The following SSBP3 variants were observed in gnomAD, a reference collection of about 807,000 sequenced individuals.
The protein encoded by SSBP3 is single stranded DNA binding protein 3.
A neutral mutation model predicts 69.6 loss-of-function variants in SSBP3; 5 were observed. The ratio of observed to expected loss-of-function variants is 0.07; its 90% CI spans 0.04 to 0.15. SSBP3 has a LOEUF of 0.15. SSBP3 is among the 10% of genes least tolerant of loss of function. The pLI is 1.00. For synonymous variants in SSBP3, 196 were observed against 193.4 expected (o/e 1.01, Z -0.11); for missense variants, 312 against 534.0 (o/e 0.58, Z 4.10).
chr1:54,345,015 A>G (rs1646665882), intron 4 of SSBP3, among the ~76,000 whole-genome samples: 1 of 152,152 alleles, frequency 6.6e-6, no homozygotes, highest in African/African-American at 2.4e-5. Flanking sequence ...TATTTATATT[A>G]CACTTGTTTC....
intron 14 of SSBP3, among the ~76,000 whole-genome samples, chr1:54,229,810 C>G (rs1334124731): frequency 6.6e-6 from 1 of 152,170 alleles, no homozygotes; most frequent in Non-Finnish European, 1.5e-5. Context: ...CTGGGTGCCA[C>G]AGACGCAGAG....
chr1:54,351,743 G>A (rs1646783612), intron 4 of SSBP3, among the ~76,000 whole-genome samples: 1 of 152,166 alleles, frequency 6.6e-6, no homozygotes, highest in Non-Finnish European at 1.5e-5. Context: ...GAGTGACCTC[G>A]CTGGGCCTTT....
intron 5 of SSBP3, among the ~76,000 whole-genome samples, chr1:54,260,098 T>C (rs1251182576): frequency 6.6e-6 from 1 of 152,206 alleles, no homozygotes; most frequent in African/African-American, 2.4e-5. Flanking sequence ...GGGGAGTTAA[T>C]GAAGGCGGGA....
chr1:54,411,992 C>A (rs538833116), intron 1 of SSBP3, among the ~76,000 whole-genome samples: 1 of 152,120 alleles, frequency 6.6e-6, no homozygotes, highest in South Asian at 2.1e-4. Flanking sequence ...ACCAGACTCA[C>A]CAGAGTGCCC....
At chr1:54,399,680 A>G (rs1393290881) in intron 4 of SSBP3, among the ~76,000 whole-genome samples, 1 of 99,444 alleles carries the variant, frequency 1.0e-5, no homozygotes, top group East Asian at 5.6e-4. Context: ...GTCAGCAAGA[A>G]GCTACTGCAA....
At chr1:54,260,727 C>T (rs977955136) in intron 5 of SSBP3, among the ~76,000 whole-genome samples, 13 of 150,658 alleles carry the variant, frequency 8.6e-5, no homozygotes, top group Non-Finnish European at 1.5e-4. Flanking sequence ...AGGCCCCAGC[C>T]CAGCCCCACA....
At chr1:54,392,387 G>A (rs1205864117) in intron 4 of SSBP3, among the ~76,000 whole-genome samples, 2 of 152,148 alleles carry the variant, frequency 1.3e-5, no homozygotes, top group Non-Finnish European at 2.9e-5. Context: ...CTGACTTTGC[G>A]TTGAGCCCCC....
chr1:54,279,725 G>A, intron 5 of SSBP3, among the ~76,000 whole-genome samples: 1 of 152,236 alleles, frequency 6.6e-6, no homozygotes, highest in South Asian at 2.1e-4. Flanking sequence ...ATGGGTGCAG[G>A]GCGCCATCTG....
At chr1:54,239,080 A>T in intron 14 of SSBP3, 49 bp downstream of exon 14, 1 of 1,488,390 alleles carries the variant, frequency 6.7e-7, no homozygotes, top group Non-Finnish European at 9.3e-7. Flanking sequence ...GAAGTTAATT[A>T]TGATTTGTTA....
intron 5 of SSBP3, among the ~76,000 whole-genome samples, chr1:54,268,520 A>AG (rs1278083923): frequency 6.6e-6 from 1 of 152,224 alleles, no homozygotes; most frequent in Non-Finnish European, 1.5e-5. Flanking sequence ...CCAACTAGGA[A>AG]GGGGGGCTGC....
At chr1:54,404,436 A>AGTGCCTCGAG in intron 3 of SSBP3, 140 bp downstream of exon 3, 1 of 933,264 alleles carries the variant, frequency 1.1e-6, no homozygotes, top group Non-Finnish European at 1.7e-6. Flanking sequence ...GCTGGGCCGG[A>AGTGCCTCGAG]GTGCCTCGAG....
chr1:54,407,748 GATTT>G (rs1269094173), upstream of SSBP3, among the ~76,000 whole-genome samples: 3 of 86,376 alleles, frequency 3.5e-5, no homozygotes, highest in African/African-American at 4.6e-5. Flanking sequence ...AGCCTAGGTT[GATTT>G]TTTTTTTTTT....
At chr1:54,233,841 G>A (rs1430233127) in intron 14 of SSBP3, among the ~76,000 whole-genome samples, 1 of 152,272 alleles carries the variant, frequency 6.6e-6, no homozygotes, top group East Asian at 1.9e-4. Flanking sequence ...CACCCCGTCT[G>A]GGAGGTGTGC....
chr1:54,404,224 G>A (rs761558718), intron 3 of SSBP3, among the ~76,000 whole-genome samples: 7 of 152,118 alleles, frequency 4.6e-5, no homozygotes, highest in Non-Finnish European at 8.8e-5. Flanking sequence ...TCCCCTCCAC[G>A]CCGCCCCACC....
chr1:54,376,531 T>TTTA (rs1379111774), intron 4 of SSBP3, among the ~76,000 whole-genome samples: 1 of 152,160 alleles, frequency 6.6e-6, no homozygotes, highest in Non-Finnish European at 1.5e-5. Context: ...AAGGAAAAAC[T>TTTA]CGTCTTTGGG....
At chr1:54,392,468 AC>A (rs2100772083) in intron 4 of SSBP3, among the ~76,000 whole-genome samples, 1 of 152,354 alleles carries the variant, frequency 6.6e-6, no homozygotes, top group East Asian at 1.9e-4. Context: ...ATCACTGAAA[AC>A]AGACATTTCC....
At chr1:54,308,111 T>C (rs186632958) in intron 4 of SSBP3, among the ~76,000 whole-genome samples, 15 of 152,288 alleles carry the variant, frequency 9.8e-5, no homozygotes, top group East Asian at 3.9e-4. Context: ...AAAGCACAAC[T>C]TCCCCTGAAA....
chr1:54,349,686 G>A (rs1646750096), intron 4 of SSBP3, among the ~76,000 whole-genome samples: 1 of 150,984 alleles, frequency 6.6e-6, no homozygotes, highest in Admixed American at 6.6e-5. Context: ...ACAAGAGGTG[G>A]GTATCCAATG....
At chr1:54,343,633 G>C (rs1394120971) in intron 4 of SSBP3, among the ~76,000 whole-genome samples, 1 of 152,214 alleles carries the variant, frequency 6.6e-6, no homozygotes, top group African/African-American at 2.4e-5. Context: ...GAATACATGT[G>C]AATGTGCAGT....
Sources: allele counts gnomAD v4.1 joint callset (sites outside exome capture counted in the v4.1 genomes callset), GRCh38; gene constraint gnomAD v4.1.1; transcripts MANE v1.5; gene names NCBI Gene and HGNC (gene_info 2026-07-23, HGNC 2026-07-21).